Variants in SPRR2G observed in about 807,000 individuals in gnomAD.
SPRR2G encodes small proline-rich protein 2G.
In SPRR2G, 1 loss-of-function variant was observed where a neutral mutation model predicts 0.7. The ratio of observed to expected loss-of-function variants is 1.49; its 90% confidence interval spans 0.53 to 7.06. SPRR2G has a LOEUF of 7.06. Among genes scored for constraint, SPRR2G ranks in the 30% most tolerant of loss-of-function variants. SPRR2G has a pLI of 0.14. For missense variants in SPRR2G, 96 were observed against 88.5 expected, an observed-to-expected ratio of 1.09 and a Z score of -0.34; for synonymous variants, 38 against 33.9, an observed-to-expected ratio of 1.12 and a Z score of -0.42.
chr1:153,195,194 C>T, the SPRR2G span, among the ~76,000 whole-genome samples: 5 of 152,190 alleles, frequency 3.3e-5, no homozygotes, highest in Non-Finnish European at 7.3e-5. Flanking sequence ...CTCCCTTCCC[C>T]GCAGCATCTA....
At chr1:153,163,748 C>G in the SPRR2G span, among the ~76,000 whole-genome samples, 4 of 152,186 alleles carry the variant, frequency 2.6e-5, no homozygotes, top group Non-Finnish European at 5.9e-5. Flanking sequence ...GCATCTGTGT[C>G]TCAGCCCTGT....
the SPRR2G span, among the ~76,000 whole-genome samples, chr1:153,178,085 T>TG: frequency 1.3e-5 from 2 of 152,140 alleles, no homozygotes; most frequent in Non-Finnish European, 2.9e-5. Flanking sequence ...CATTTTATCT[T>TG]TTATGCTGTC....
the SPRR2G span, among the ~76,000 whole-genome samples, chr1:153,167,888 T>C: frequency 6.6e-6 from 1 of 152,228 alleles, no homozygotes; most frequent in Non-Finnish European, 1.5e-5. Context: ...TATTTAATCA[T>C]GTAATACTTG....
the SPRR2G span, among the ~76,000 whole-genome samples, chr1:153,168,410 C>G: frequency 5.3e-3 from 805 of 152,332 alleles, 11 homozygotes; most frequent in Middle Eastern, 0.02. Flanking sequence ...GAAAGACATG[C>G]ATGTGAATGC....
At chr1:153,169,393 A>G in the SPRR2G span, among the ~76,000 whole-genome samples, 738 of 152,096 alleles carry the variant, frequency 4.9e-3, 10 homozygotes, top group Middle Eastern at 0.017. Flanking sequence ...GTGAAATCCC[A>G]TCTCTACTAA....
chr1:153,160,496 A>G, the SPRR2G span, among the ~76,000 whole-genome samples: 1 of 152,228 alleles, frequency 6.6e-6, no homozygotes, highest in Admixed American at 6.5e-5. Flanking sequence ...TAGCTGCACC[A>G]TTCTTCATTC....
the SPRR2G span, among the ~76,000 whole-genome samples, chr1:153,165,586 G>A: frequency 1.3e-5 from 2 of 152,164 alleles, no homozygotes; most frequent in South Asian, 4.1e-4. Flanking sequence ...CAAATCTAGT[G>A]TTATGTTATC....
chr1:153,199,644 C>T, the SPRR2G span, among the ~76,000 whole-genome samples: 5 of 152,120 alleles, frequency 3.3e-5, no homozygotes, highest in Non-Finnish European at 7.4e-5. Context: ...GCCTTCCTTC[C>T]TGCAGTAGTA....
rs1656421139 is a variant in SPRR2G, at chr1:153,149,889, T to C, written c.222A>G (p.Ter74=). 6.2e-7 allele frequency: 1 copy of C among 1,614,128 alleles called. No homozygotes were observed. Residue 74 remains the stop codon, a stop_retained_variant, in exon 2 of 2, where the codon TAA becomes TAG. Transcript: ENST00000368748. The part of the protein sequence containing the change: ...CQQKYPPKSK[*] ...ATGGTCCTGATGAATTCTAGTGATG[T>C]TACTTGCTCTTGGGTGGATACTTCT...
chr1:153,170,035 T>C, the SPRR2G span, among the ~76,000 whole-genome samples: 1 of 152,204 alleles, frequency 6.6e-6, no homozygotes, highest in Non-Finnish European at 1.5e-5. Context: ...ATTAATTTAT[T>C]TAGACATGAT....
intron 1 of SPRR2G, among the ~76,000 whole-genome samples, chr1:153,150,519 T>C (rs889735401): frequency 6.6e-6 from 1 of 151,530 alleles, no homozygotes; most frequent in Non-Finnish European, 1.5e-5. Context: ...GAGCCATGAG[T>C]TTTTTAAGAG....
the SPRR2G span, among the ~76,000 whole-genome samples, chr1:153,193,356 C>G: frequency 1.8e-4 from 27 of 152,326 alleles, no homozygotes; most frequent in Middle Eastern, 3.4e-3. Context: ...ACATCAGTGA[C>G]CACACTCACT....
At chr1:153,198,573 C>A in the SPRR2G span, among the ~76,000 whole-genome samples, 2 of 152,040 alleles carry the variant, frequency 1.3e-5, no homozygotes, top group African/African-American at 4.8e-5. Context: ...ATCCTGATAG[C>A]ACATTTGGTG....
chr1:153,183,958 C>T, the SPRR2G span, among the ~76,000 whole-genome samples: 1,311 of 152,264 alleles, frequency 8.6e-3, 26 homozygotes, highest in African/African-American at 0.03. Context: ...TTTTCCAGCA[C>T]CTTTTATTAA....
upstream of SPRR2G, among the ~76,000 whole-genome samples, chr1:153,153,434 T>C (rs141317332): frequency 4.6e-5 from 7 of 152,300 alleles, no homozygotes; most frequent in African/African-American, 1.7e-4. Context: ...TGAGAAATGG[T>C]AATAATAATA....
At chr1:153,199,536 G>A in the SPRR2G span, among the ~76,000 whole-genome samples, 4 of 152,148 alleles carry the variant, frequency 2.6e-5, no homozygotes, top group African/African-American at 9.7e-5. Context: ...TTCCTTTGCA[G>A]CCCCTACCCA....
rs971431286 is a variant in SPRR2G at position 153,149,610 on chromosome 1, T to C, written c.*279A>G. The stretch of plus-strand genomic sequence containing the variant: ...GCTTGACCATGAAACATGTGCTTTA[T>C]TGGGGAGAAGCAAAAGAATAAACAC... On this transcript the variant is annotated 3_prime_UTR_variant, in exon 2 of 2. Transcript: ENST00000368748. The C allele has an allele frequency of 5.9e-5, 30 of 506,524 alleles. No individual in the cohort carries two copies. The highest frequency in any genetic ancestry group is 3.5e-4 in the African/African-American group (18 of 51,850). The allele number at this position is 506,524 out of a possible 1,614,324, so 31.4% of individuals were successfully genotyped here. A position where few individuals can be genotyped will look rare whatever the true frequency, so the allele number is the denominator to read the frequency against.
At chr1:153,186,564 C>T in the SPRR2G span, among the ~76,000 whole-genome samples, 1 of 151,012 alleles carries the variant, frequency 6.6e-6, no homozygotes, top group Non-Finnish European at 1.5e-5. Context: ...CTATTTGCTA[C>T]ATCCCTTTAT....
chr1:153,172,962 CATAAT>C, the SPRR2G span, among the ~76,000 whole-genome samples: 14 of 152,082 alleles, frequency 9.2e-5, no homozygotes, highest in African/African-American at 2.7e-4. Context: ...GGCGGACAAA[CATAAT>C]ATAATTCTAG....
Sources: gnomAD v4.1 joint callset for allele counts (sites outside exome capture counted in the v4.1 genomes callset) on GRCh38, gnomAD v4.1.1 for gene constraint, MANE v1.5 for transcripts, NCBI Gene and HGNC (gene_info 2026-07-23, HGNC 2026-07-21) for gene names.